TRHDE: variants seen among roughly 807,000 people sequenced by gnomAD.
TRHDE encodes the protein thyrotropin releasing hormone degrading enzyme.
Under a neutral mutation model 125.7 loss-of-function variants are expected in TRHDE, and 72 were observed. The observed-to-expected ratio is 0.57, with a 90% confidence interval of 0.47 to 0.70. The LOEUF is 0.70. Among genes scored for constraint, TRHDE ranks in the 30% least tolerant of loss-of-function variants. The pLI is 0.00. For synonymous variants in TRHDE, 509 were observed against 509.1 expected (o/e 1.00, Z 0.00); for missense variants, 1,110 against 1,327.1 (o/e 0.84, Z 2.54).
chr12:72,530,027 C>G (rs1868461854), intron 6 of TRHDE, among the ~76,000 whole-genome samples: 1 of 152,148 alleles, frequency 6.6e-6, no homozygotes, highest in South Asian at 2.1e-4. Context: ...GGACTCCATC[C>G]TCTTGTCTAC....
rs1157729418 is a variant in TRHDE, at chr12:72,285,561, G to A, written c.915-1120G>A. Among the ~76,000 whole-genome samples, 4 of 132,584 alleles carry A rather than the reference G, an allele frequency of 3.0e-5. No individual in the cohort carries two copies. In the East Asian group the frequency reaches 8.9e-4, roughly 30 times the overall value. The allele number at this position is 132,584 out of a possible 152,430, so 87.0% of individuals were successfully genotyped here. ...TTTTGAGACAGGGTCTCGCTCTGTC[G>A]CCAGGCTGGAGTGCAGTGGCGCGAT... On this transcript the variant is annotated intron_variant, in intron 1 of 18. Coordinates refer to ENST00000261180, the MANE Select transcript of TRHDE (RefSeq NM_013381.3).
intron 3 of TRHDE, among the ~76,000 whole-genome samples, chr12:72,434,299 C>T (rs1874636594): frequency 6.6e-6 from 1 of 150,394 alleles, no homozygotes; most frequent in Non-Finnish European, 1.5e-5. Flanking sequence ...GCAGGAGAAT[C>T]ACTTGACCCC....
At chr12:72,467,642 C>A (rs1369375737) in intron 3 of TRHDE, among the ~76,000 whole-genome samples, 1 of 152,064 alleles carries the variant, frequency 6.6e-6, no homozygotes, top group African/African-American at 2.4e-5. Context: ...TGGTGAAACC[C>A]CATCTCTACT....
At chr12:72,118,951 C>T (rs1875512475) in intron 2 of TRHDE, among the ~76,000 whole-genome samples, 2 of 151,958 alleles carry the variant, frequency 1.3e-5, no homozygotes, top group Admixed American at 6.6e-5. Context: ...CTTAGTCTGG[C>T]TAAAGGTTTG....
intron 2 of TRHDE, among the ~76,000 whole-genome samples, chr12:72,252,737 T>A (rs989301259): frequency 6.6e-6 from 1 of 152,122 alleles, no homozygotes. Context: ...AATTGACATT[T>A]TTACTATGTT....
rs1000627564 is a variant in TRHDE, at chr12:72,580,887, T to A, written c.2321+5345T>A. On this transcript the variant is annotated intron_variant, in intron 12 of 18. Transcript: ENST00000261180. ...GGTACGTAACTCACTATATTCAGTA[T>A]ATACATTCTATGAATAAAATGTTAT... Among the ~76,000 whole-genome samples the A allele has an allele frequency of 2.0e-5, 3 of 152,212 alleles. No homozygotes were observed. In the South Asian group the frequency reaches 6.2e-4, roughly 31 times the overall value.
intron 6 of TRHDE, among the ~76,000 whole-genome samples, chr12:72,528,289 G>T (rs774687906): frequency 1.3e-5 from 2 of 152,020 alleles, no homozygotes; most frequent in Admixed American, 1.3e-4. Context: ...CATTAATCAC[G>T]TATTTTTCTT....
Position 72,664,911 on chromosome 12 carries a change from C to A in TRHDE, c.*1716C>A, listed in dbSNP as rs796698257. The A allele has an allele frequency of 8.6e-5, 13 of 152,008 alleles. No homozygotes were observed. The highest frequency in any genetic ancestry group is 3.1e-4 in the African/African-American group (13 of 41,500). 9.4% of individuals were successfully genotyped at this position (152,008 alleles called of 1,614,324 possible). A position where few individuals can be genotyped will look rare whatever the true frequency, so the allele number is the denominator to read the frequency against. On this transcript the variant is annotated 3_prime_UTR_variant, in exon 19 of 19. Coordinates refer to ENST00000261180, the MANE Select transcript of TRHDE (RefSeq NM_013381.3). Reference sequence around the variant, plus strand: ...AAGCAAGTAATACCTATTAGTCATACCTAAATTTTTCAGCACTTCATTCAA... The same window carrying A: ...AAGCAAGTAATACCTATTAGTCATAACTAAATTTTTCAGCACTTCATTCAA...
At chr12:72,313,453 A>G (rs886216615) in intron 2 of TRHDE, among the ~76,000 whole-genome samples, 8 of 152,086 alleles carry the variant, frequency 5.3e-5, no homozygotes, top group Non-Finnish European at 4.4e-5. Flanking sequence ...ATGTGATATA[A>G]CTGTGATAGT....
chr12:72,418,949 T>G (rs1238781993), intron 3 of TRHDE, among the ~76,000 whole-genome samples: 1 of 152,134 alleles, frequency 6.6e-6, no homozygotes, highest in African/African-American at 2.4e-5. Context: ...AGGAAGCACA[T>G]GGATAATGGT....
rs549277573 is a variant in TRHDE, at chr12:72,435,714, A to C, written c.1316-34044A>C. Among the ~76,000 whole-genome samples, 54 of 149,682 alleles carry C rather than the reference A, an allele frequency of 3.6e-4. No homozygotes were observed. The South Asian group carries it at 0.01, about 28-fold the overall frequency. On this transcript the variant is annotated intron_variant, in intron 3 of 18. Transcript: ENST00000261180. The stretch of plus-strand genomic sequence containing the variant: ...GTTTGTTCTGAATGAAGTGGTTAAT[A>C]GGCATTTTTTCATAATTCTTTGGGG...
intron 2 of TRHDE, among the ~76,000 whole-genome samples, chr12:72,155,847 A>C (rs1436671816): frequency 1.3e-5 from 2 of 152,184 alleles, no homozygotes; most frequent in African/African-American, 4.8e-5. Context: ...TCAGGGACCC[A>C]CTTGAGGAGG....
chr12:72,347,107 G>A (rs1870359993), intron 2 of TRHDE, among the ~76,000 whole-genome samples: 1 of 152,038 alleles, frequency 6.6e-6, no homozygotes, highest in African/African-American at 2.4e-5. Context: ...AATTACATCT[G>A]CAATGACTTT....
At chr12:72,631,551 C>T (rs1873496113) in intron 15 of TRHDE, among the ~76,000 whole-genome samples, 1 of 151,772 alleles carries the variant, frequency 6.6e-6, no homozygotes, top group Non-Finnish European at 1.5e-5. Flanking sequence ...AAACAGGAAG[C>T]TCAAAATACA....
chr12:72,548,223 C>T (rs963563994), intron 7 of TRHDE, among the ~76,000 whole-genome samples: 1 of 151,532 alleles, frequency 6.6e-6, no homozygotes, highest in Non-Finnish European at 1.5e-5. Flanking sequence ...CAATTTTGCC[C>T]TCATTTTTTT....
At chr12:72,588,004 C>G (rs766043297) in intron 12 of TRHDE, among the ~76,000 whole-genome samples, 4 of 152,090 alleles carry the variant, frequency 2.6e-5, no homozygotes, top group Non-Finnish European at 4.4e-5. Flanking sequence ...AAGTGTATAT[C>G]CACAATATTA....
intron 2 of TRHDE, among the ~76,000 whole-genome samples, chr12:72,292,181 C>G (rs971100039): frequency 2.0e-5 from 3 of 152,076 alleles, no homozygotes; most frequent in Admixed American, 6.6e-5. Context: ...AGCCTTTTGC[C>G]TTTTTGAAGA....
At position 72,473,059 on chromosome 12, in the gene TRHDE, T is replaced by C. The variant is rs1172451846; in HGVS notation, c.1471-8T>C. ...TTTATTTGATGACCATTAATTTTGTTACTGCAGTGGTTTGGTGACCTTGTG... is the reference window on the plus strand; with the variant it reads ...TTTATTTGATGACCATTAATTTTGTCACTGCAGTGGTTTGGTGACCTTGTG... On this transcript the variant is annotated splice_region_variant and splice_polypyrimidine_tract_variant and intron_variant, in intron 4 of 18. Coordinates refer to ENST00000261180, the MANE Select transcript of TRHDE (RefSeq NM_013381.3). 1 of 1,607,184 alleles carries C rather than the reference T, an allele frequency of 6.2e-7. No individual in the cohort carries two copies. The highest frequency in any genetic ancestry group is 1.1e-5 in the South Asian group (1 of 90,742).
chr12:72,448,274 G>C (rs1875398218), intron 3 of TRHDE, among the ~76,000 whole-genome samples: 1 of 152,058 alleles, frequency 6.6e-6, no homozygotes, highest in Non-Finnish European at 1.5e-5. Context: ...ACTGTTTTCT[G>C]GTTGATGGTA....
Sources: gnomAD v4.1 joint callset for allele counts (sites outside exome capture counted in the v4.1 genomes callset) on GRCh38, gnomAD v4.1.1 for gene constraint, MANE v1.5 for transcripts, NCBI Gene and HGNC (gene_info 2026-07-23, HGNC 2026-07-21) for gene names.